The following RPS6KC1 variants were observed in gnomAD, a reference collection of about 807,000 sequenced individuals.
RPS6KC1 encodes the protein inactive ribosomal protein S6 kinase delta-1.
RPS6KC1 carries 54 observed loss-of-function variants against 103.8 expected under a neutral mutation model. The ratio of observed to expected loss-of-function variants is 0.52; its 90% CI spans 0.42 to 0.65. The LOEUF (loss-of-function observed/expected upper bound fraction) is 0.65. RPS6KC1 is among the 30% of genes least tolerant of loss of function. RPS6KC1 has a pLI of 0.00. For synonymous variants in RPS6KC1, 439 were observed against 438.7 expected (o/e 1.00, Z -0.01); for missense variants, 1,151 against 1,253.8 (o/e 0.92, Z 1.24).
the RPS6KC1 span, among the ~76,000 whole-genome samples, chr1:213,356,195 G>C: frequency 5.3e-5 from 8 of 152,204 alleles, no homozygotes; most frequent in African/African-American, 1.9e-4. Context: ...GGTATAACAG[G>C]GGTGGTACAA....
intron 9 of RPS6KC1, among the ~76,000 whole-genome samples, chr1:213,231,025 A>G (rs2094091828): frequency 6.6e-6 from 1 of 151,534 alleles, no homozygotes; most frequent in Non-Finnish European, 1.5e-5. Flanking sequence ...GGTGATGTTT[A>G]TTTACTTTTC....
the RPS6KC1 span, among the ~76,000 whole-genome samples, chr1:213,427,350 G>A: frequency 2.0e-5 from 3 of 152,240 alleles, no homozygotes; most frequent in Admixed American, 6.5e-5. Flanking sequence ...GTAGGTCTCT[G>A]TTTAAGGAAA....
chr1:213,560,997 T>C, the RPS6KC1 span, among the ~76,000 whole-genome samples: 1 of 152,116 alleles, frequency 6.6e-6, no homozygotes, highest in Non-Finnish European at 1.5e-5. Context: ...AAATAGAGAG[T>C]TGGGCTCATG....
chr1:213,289,573 G>A, the RPS6KC1 span, among the ~76,000 whole-genome samples: 1 of 152,106 alleles, frequency 6.6e-6, no homozygotes, highest in African/African-American at 2.4e-5. Flanking sequence ...CACGCATAGG[G>A]GAAAGTTGTT....
At chr1:213,783,535 T>A in the RPS6KC1 span, among the ~76,000 whole-genome samples, 1 of 152,138 alleles carries the variant, frequency 6.6e-6, no homozygotes, top group African/African-American at 2.4e-5. Context: ...ATATTATGAT[T>A]CAGCACCTGG....
the RPS6KC1 span, among the ~76,000 whole-genome samples, chr1:213,610,971 AT>A: frequency 2.6e-5 from 4 of 152,056 alleles, no homozygotes; most frequent in Admixed American, 6.5e-5. Context: ...ATTTCTGATA[AT>A]TTTTTTGGGG....
chr1:213,625,076 G>A, the RPS6KC1 span, among the ~76,000 whole-genome samples: 2 of 152,114 alleles, frequency 1.3e-5, no homozygotes, highest in East Asian at 1.9e-4. Flanking sequence ...TCCACCACCC[G>A]GGTTCAAGCG....
At chr1:213,558,096 C>T in the RPS6KC1 span, among the ~76,000 whole-genome samples, 1 of 152,144 alleles carries the variant, frequency 6.6e-6, no homozygotes, top group Non-Finnish European at 1.5e-5. Context: ...TGGTGAGCTT[C>T]CTTTTCTTCC....
At chr1:213,160,777 C>T (rs1241537538) in intron 6 of RPS6KC1, among the ~76,000 whole-genome samples, 1 of 150,624 alleles carries the variant, frequency 6.6e-6, no homozygotes, top group African/African-American at 2.4e-5. Context: ...CATATTCTCA[C>T]TCATAGGTGA....
the RPS6KC1 span, among the ~76,000 whole-genome samples, chr1:213,289,425 C>G: frequency 6.6e-6 from 1 of 152,020 alleles, no homozygotes; most frequent in Non-Finnish European, 1.5e-5. Context: ...CCCAACACAA[C>G]AGCGTGGAAC....
chr1:213,515,233 A>G, the RPS6KC1 span, among the ~76,000 whole-genome samples: 1 of 152,276 alleles, frequency 6.6e-6, no homozygotes, highest in East Asian at 1.9e-4. Context: ...CTTTAGTTTA[A>G]TGAGATCCCA....
chr1:213,398,104 T>C, the RPS6KC1 span, among the ~76,000 whole-genome samples: 18 of 151,416 alleles, frequency 1.2e-4, no homozygotes, highest in African/African-American at 4.4e-4. Flanking sequence ...CGATCTCGGC[T>C]CACTGAAACC....
At chr1:213,185,922 A>C (rs778835662) in intron 8 of RPS6KC1, among the ~76,000 whole-genome samples, 3 of 151,714 alleles carry the variant, frequency 2.0e-5, no homozygotes, top group Non-Finnish European at 4.4e-5. Context: ...TACAAAAAAT[A>C]TCTTACAAAT....
At chr1:213,272,300 T>C (rs2095064166) in intron 14 of RPS6KC1, among the ~76,000 whole-genome samples, 2 of 152,198 alleles carry the variant, frequency 1.3e-5, no homozygotes, top group African/African-American at 2.4e-5. Flanking sequence ...AAGGCCATGT[T>C]TCCCATCAGT....
At chr1:213,719,255 T>C in the RPS6KC1 span, among the ~76,000 whole-genome samples, 1 of 152,220 alleles carries the variant, frequency 6.6e-6, no homozygotes, top group African/African-American at 2.4e-5. Context: ...AATATAGTTA[T>C]TTATTTTATT....
At chr1:213,268,102 A>G (rs1483092508) in intron 14 of RPS6KC1, among the ~76,000 whole-genome samples, 2 of 151,904 alleles carry the variant, frequency 1.3e-5, no homozygotes, top group African/African-American at 4.8e-5. Flanking sequence ...GGAAAATACA[A>G]AGAGGTCTAC....
the RPS6KC1 span, among the ~76,000 whole-genome samples, chr1:213,852,387 A>C: frequency 6.8e-6 from 1 of 147,544 alleles, no homozygotes; most frequent in Admixed American, 6.8e-5. Context: ...TCTTTACCTA[A>C]TTTTTTTTTT....
At chr1:213,312,749 C>T in the RPS6KC1 span, among the ~76,000 whole-genome samples, 1 of 152,210 alleles carries the variant, frequency 6.6e-6, no homozygotes, top group Non-Finnish European at 1.5e-5. Context: ...TCCAATTTTG[C>T]ACACTTCAGA....
At chr1:213,310,648 C>T in the RPS6KC1 span, among the ~76,000 whole-genome samples, 4 of 152,198 alleles carry the variant, frequency 2.6e-5, no homozygotes, top group Non-Finnish European at 5.9e-5. Flanking sequence ...GTTCTGCATT[C>T]GTCGTATGTA....
Sources: gnomAD v4.1 joint callset for allele counts (sites outside exome capture counted in the v4.1 genomes callset) on GRCh38, gnomAD v4.1.1 for gene constraint, MANE v1.5 for transcripts, NCBI Gene and HGNC (gene_info 2026-07-23, HGNC 2026-07-21) for gene names.